SLC28A1: variants seen among roughly 807,000 people sequenced by gnomAD.
SLC28A1 encodes sodium/nucleoside cotransporter 1.
In SLC28A1, 64 loss-of-function variants were observed where a neutral mutation model predicts 74.8. The ratio of observed to expected loss-of-function variants is 0.86; its 90% CI spans 0.70 to 1.05. The LOEUF (loss-of-function observed/expected upper bound fraction) is 1.05. Ranked by LOEUF, SLC28A1 falls within the 50% of genes least tolerant of loss-of-function variation. SLC28A1 has a pLI of 0.00. For synonymous variants in SLC28A1, 359 were observed against 335.0 expected (o/e 1.07, Z -0.78); for missense variants, 828 against 822.8 (o/e 1.01, Z -0.08).
At chr15:84,930,744 T>G (rs1249361299) in intron 12 of SLC28A1, among the ~76,000 whole-genome samples, 1 of 151,550 alleles carries the variant, frequency 6.6e-6, no homozygotes, top group Non-Finnish European at 1.5e-5. Flanking sequence ...TAGCTAGGAT[T>G]ACAGGCACCC....
intron 12 of SLC28A1, among the ~76,000 whole-genome samples, chr15:84,926,075 A>G (rs185095813): frequency 2.0e-4 from 29 of 147,638 alleles, no homozygotes; most frequent in African/African-American, 6.6e-4. Flanking sequence ...TATATATAAT[A>G]TTTTATTATT....
At chr15:84,935,944 GGTTTTTGTTTTTTTT>G (rs1346822475) in intron 15 of SLC28A1, among the ~76,000 whole-genome samples, 1 of 90,110 alleles carries the variant, frequency 1.1e-5, no homozygotes, top group South Asian at 5.0e-4. Context: ...GTTTTGGTTT[GGTTTTTGTTTTTTTT>G]TTTTTTTTTT....
chr15:84,899,366 T>C (rs896363), intron 6 of SLC28A1, among the ~76,000 whole-genome samples: 32,188 of 151,138 alleles, frequency 0.21, 3,931 homozygotes, highest in South Asian at 0.46. Context: ...GACGAAATTA[T>C]GTCCAAAAAA....
At chr15:84,971,806 T>C in the SLC28A1 span, among the ~76,000 whole-genome samples, 1 of 152,104 alleles carries the variant, frequency 6.6e-6, no homozygotes. Context: ...CGTGCCTCCA[T>C]ACCCGGCTAA....
At chr15:84,926,186 C>T (rs1308973751) in intron 12 of SLC28A1, among the ~76,000 whole-genome samples, 1 of 150,602 alleles carries the variant, frequency 6.6e-6, no homozygotes, top group Admixed American at 6.6e-5. Flanking sequence ...TTTAACTCCC[C>T]ACATGACACC....
chr15:84,953,551 G>A, the SLC28A1 span, among the ~76,000 whole-genome samples: 3 of 152,110 alleles, frequency 2.0e-5, no homozygotes, highest in East Asian at 1.9e-4. Context: ...GCAAGATAGC[G>A]AGACCTTGTC....
At chr15:84,968,153 C>T in the SLC28A1 span, among the ~76,000 whole-genome samples, 1 of 152,156 alleles carries the variant, frequency 6.6e-6, no homozygotes. Flanking sequence ...CCCATGTGGC[C>T]CATCTAACCC....
chr15:84,935,659 C>T, intron 15 of SLC28A1, 141 bp downstream of exon 15: 2 of 715,060 alleles, frequency 2.8e-6, no homozygotes, highest in Non-Finnish European at 2.4e-6. Flanking sequence ...ATCCTGTAGT[C>T]CTGGGAGACA....
At chr15:84,955,344 A>G in the SLC28A1 span, among the ~76,000 whole-genome samples, 1 of 152,210 alleles carries the variant, frequency 6.6e-6, no homozygotes, top group African/African-American at 2.4e-5. Flanking sequence ...CCATAGCAAC[A>G]GATAACTGGA....
At chr15:84,886,541 A>G (rs1219040502) in intron 1 of SLC28A1, 131 bp from the exon 2 acceptor site, 2 of 985,506 alleles carry the variant, frequency 2.0e-6, no homozygotes, top group South Asian at 4.7e-5. Context: ...CCAGGTTGCA[A>G]GTGGGCCTGC....
At chr15:84,905,451 G>A in intron 7 of SLC28A1, 88 bp from the exon 8 acceptor site, 1 of 885,316 alleles carries the variant, frequency 1.1e-6, no homozygotes, top group South Asian at 1.3e-5. Flanking sequence ...CCTCTGGGCA[G>A]GGCAATGCCC....
At chr15:84,948,928 T>C (rs563675082), downstream of SLC28A1, among the ~76,000 whole-genome samples, 19 of 152,350 alleles carry the variant, frequency 1.2e-4, no homozygotes, top group African/African-American at 4.6e-4. Context: ...AGTTTTGCCA[T>C]TCTGGGCCAC....
intron 6 of SLC28A1, among the ~76,000 whole-genome samples, chr15:84,900,592 A>G (rs1966574406): frequency 6.6e-6 from 1 of 152,052 alleles, no homozygotes. Flanking sequence ...TAAGCCCAGG[A>G]GTTTGAGACC....
At chr15:84,958,569 T>C in the SLC28A1 span, among the ~76,000 whole-genome samples, 1 of 152,156 alleles carries the variant, frequency 6.6e-6, no homozygotes. Context: ...TGTTTGTTTG[T>C]TTGAGGCAGG....
intron 13 of SLC28A1, among the ~76,000 whole-genome samples, chr15:84,934,616 T>C (rs1325207392): frequency 2.0e-5 from 3 of 152,192 alleles, no homozygotes; most frequent in South Asian, 4.1e-4. Context: ...GTAGTTGTCT[T>C]TTAAAAAGTG....
chr15:84,893,567 C>T (rs1479549980), intron 5 of SLC28A1, among the ~76,000 whole-genome samples: 1 of 119,750 alleles, frequency 8.4e-6, no homozygotes, highest in Non-Finnish European at 1.9e-5. Context: ...CTCTGGGGGT[C>T]ACCGGGGGGG....
At chr15:84,918,405 A>G in intron 9 of SLC28A1, 119 bp from the exon 10 acceptor site, 3 of 785,038 alleles carry the variant, frequency 3.8e-6, no homozygotes, top group Non-Finnish European at 6.9e-6. Context: ...GGATCCTGTC[A>G]GGCATCTGAG....
chr15:84,931,501 A>T (rs1212858261), intron 12 of SLC28A1, among the ~76,000 whole-genome samples: 10 of 130,512 alleles, frequency 7.7e-5, no homozygotes. Context: ...AAAAAAAAAA[A>T]ATTAGCTGGG....
intron 6 of SLC28A1, among the ~76,000 whole-genome samples, chr15:84,903,689 G>A (rs767853020): frequency 9.9e-5 from 15 of 152,202 alleles, no homozygotes; most frequent in Non-Finnish European, 1.9e-4. Flanking sequence ...TGAGTCCTGG[G>A]TGGCACAGGT....
Sources: gnomAD v4.1 joint callset for allele counts (sites outside exome capture counted in the v4.1 genomes callset) on GRCh38, gnomAD v4.1.1 for gene constraint, MANE v1.5 for transcripts, NCBI Gene and HGNC (gene_info 2026-07-23, HGNC 2026-07-21) for gene names.